ACSF3: variants seen among roughly 807,000 people sequenced by gnomAD.
The protein encoded by ACSF3 is acyl-CoA synthetase family member 3, also known as malonate--CoA ligase ACSF3, mitochondrial.
A neutral mutation model predicts 53.2 loss-of-function variants in ACSF3; 78 were observed. That is an observed-to-expected ratio of 1.47 (90% CI 1.22 to 1.77). The LOEUF (loss-of-function observed/expected upper bound fraction) is 1.77. ACSF3 is among the 40% of genes most tolerant of loss of function. ACSF3 has a pLI of 0.00. For synonymous variants in ACSF3, 414 were observed against 333.1 expected (o/e 1.24, Z -2.65); for missense variants, 937 against 771.1 (o/e 1.22, Z -2.55).
chr16:89,113,703 G>T (rs1429134720), intron 5 of ACSF3: 2 of 173,800 alleles, frequency 1.2e-5, no homozygotes, highest in Non-Finnish European at 2.5e-5. Context: ...CCGTGAGGCT[G>T]CGGGAAATGC....
In ACSF3 at chr16:89,154,311, C is replaced by A; in HGVS notation, c.*104C>A. On this transcript the variant is annotated 3_prime_UTR_variant, in exon 11 of 11. Coordinates refer to ENST00000614302, the MANE Select transcript of ACSF3 (RefSeq NM_001243279.3). The stretch of plus-strand genomic sequence containing the variant: ...AGACCTGGCCTCCCTTAAACCTGAA[C>A]CCCCCAAATCAGGTCACGTAGAATC... 1 of 1,058,052 alleles carries A rather than the reference C, an allele frequency of 9.5e-7. No individual in the cohort carries two copies. The highest frequency in any genetic ancestry group is 1.4e-6 in the Non-Finnish European group (1 of 699,516). The allele number at this position is 1,058,052 out of a possible 1,614,324, so 65.5% of individuals were successfully genotyped here.
At chr16:89,101,725 G>A (rs1267626955) in intron 3 of ACSF3, among the ~76,000 whole-genome samples, 1 of 152,244 alleles carries the variant, frequency 6.6e-6, no homozygotes, top group Non-Finnish European at 1.5e-5. Flanking sequence ...CTCGTTTTTT[G>A]TGTGTCCTGT....
At chr16:89,124,501 C>A (rs1265538460) in intron 7 of ACSF3, among the ~76,000 whole-genome samples, 1 of 146,120 alleles carries the variant, frequency 6.8e-6, no homozygotes, top group African/African-American at 2.5e-5. Context: ...GTGTGTGTTA[C>A]CTGTGCACAT....
chr16:89,098,715 T>C lies in ACSF3; in HGVS notation c.-69T>C. On this transcript the variant is annotated 5_prime_UTR_variant, in exon 2 of 11. Transcript: ENST00000614302. ...CTGAAGCAGCTGTGCCTGCCGCTCT[T>C]GTGAACTGCGAACTTCCCCTTACCT... The C allele has an allele frequency of 2.2e-6, 1 of 454,166 alleles. No individual in the cohort carries two copies. The highest frequency in any genetic ancestry group is 4.4e-6 in the Non-Finnish European group (1 of 226,792). The allele number at this position is 454,166 out of a possible 1,614,324, so 28.1% of individuals were successfully genotyped here. A position where few individuals can be genotyped will look rare whatever the true frequency, so the allele number is the denominator to read the frequency against.
rs115840156 is a variant in ACSF3 at position 89,107,442 on chromosome 16, C to T, written c.823-4650C>T. ...CATCCTGCTACACGCGTGCTCTCCC[C>T]GCCTCGGCACCATCCTGCTACACGC... On this transcript the variant is annotated intron_variant, in intron 4 of 10. Transcript: ENST00000614302. Among the ~76,000 whole-genome samples, 693 of 152,006 alleles carry T rather than the reference C, an allele frequency of 4.6e-3. 4 individuals carry two copies. The highest frequency in any genetic ancestry group is 0.016 in the African/African-American group (647 of 41,492).
intron 10 of ACSF3, chr16:89,152,951 G>A (rs887851295): frequency 7.2e-5 from 11 of 152,120 alleles, no homozygotes; most frequent in African/African-American, 2.4e-4. Context: ...CACCGAGGTC[G>A]AAGCCAGTTG....
chr16:89,141,051 G>A (rs1364610209), intron 8 of ACSF3: 22 of 1,260,698 alleles, frequency 1.7e-5, no homozygotes, highest in Non-Finnish European at 2.2e-5. Flanking sequence ...TAACTTGTTT[G>A]ACTTGCATTT....
At chr16:89,105,090 G>A (rs1453220892) in intron 4 of ACSF3, among the ~76,000 whole-genome samples, 6 of 150,710 alleles carry the variant, frequency 4.0e-5, no homozygotes, top group African/African-American at 9.8e-5. Flanking sequence ...GGGCCCCGTC[G>A]CCAGGGTCAC....
intron 8 of ACSF3, among the ~76,000 whole-genome samples, chr16:89,142,198 G>A (rs1238225810): frequency 6.6e-6 from 1 of 152,172 alleles, no homozygotes; most frequent in African/African-American, 2.4e-5. Context: ...GAGAAGCAGG[G>A]ATTTGGGGCC....
intron 10 of ACSF3, chr16:89,151,316 T>C: frequency 9.6e-6 from 4 of 417,632 alleles, no homozygotes; most frequent in South Asian, 5.1e-5. Context: ...ATCTCAAACA[T>C]TGAAGGCAAA....
At chr16:89,109,657 C>G (rs565090989) in intron 4 of ACSF3, among the ~76,000 whole-genome samples, 1 of 152,292 alleles carries the variant, frequency 6.6e-6, no homozygotes, top group East Asian at 1.9e-4. Context: ...AGTAACCTGC[C>G]TGCCTCAGCC....
At chr16:89,103,408 C>G (rs1227420255) in intron 4 of ACSF3, among the ~76,000 whole-genome samples, 3 of 152,258 alleles carry the variant, frequency 2.0e-5, no homozygotes, top group African/African-American at 7.2e-5. Context: ...CTGCCTCTTG[C>G]AGCTCTGGAG....
chr16:89,104,889 A>G (rs532348911), intron 4 of ACSF3, among the ~76,000 whole-genome samples: 190 of 152,374 alleles, frequency 1.2e-3, no homozygotes, highest in African/African-American at 4.4e-3. Flanking sequence ...TTCTTCACAG[A>G]TGATAACATT....
chr16:89,142,966 G>C (rs1036211346), intron 8 of ACSF3, among the ~76,000 whole-genome samples: 1 of 152,110 alleles, frequency 6.6e-6, no homozygotes, highest in Non-Finnish European at 1.5e-5. Context: ...GTTATTGCGC[G>C]ATCATAATCC....
At chr16:89,146,371 C>T (rs1004905159) in intron 10 of ACSF3, among the ~76,000 whole-genome samples, 30 of 152,152 alleles carry the variant, frequency 2.0e-4, no homozygotes, top group African/African-American at 7.2e-4. Flanking sequence ...AGGCCAGGCC[C>T]ATGCAGGAGG....
intron 4 of ACSF3, among the ~76,000 whole-genome samples, chr16:89,109,136 G>A (rs1976367825): frequency 6.6e-6 from 1 of 150,490 alleles, no homozygotes; most frequent in African/African-American, 2.4e-5. Context: ...GGAGGCTGAG[G>A]TAGGAGAATT....
chr16:89,154,216 A>T lies in ACSF3; in HGVS notation c.*9A>T. The T allele has an allele frequency of 6.2e-7, 1 of 1,611,998 alleles. No homozygotes were observed. Among genetic ancestry groups the T allele is most frequent in the South Asian group, 1.1e-5 (1 of 90,848 alleles). On this transcript the variant is annotated 3_prime_UTR_variant, in exon 11 of 11. Coordinates refer to ENST00000614302, the MANE Select transcript of ACSF3 (RefSeq NM_001243279.3). ...ACTTCCACCCCTCATGACCCGGCAG[A>T]CTGGGACTGCGGGTCTGGTGGGGAG...
chr16:89,142,129 C>G (rs1911885465), intron 8 of ACSF3, among the ~76,000 whole-genome samples: 1 of 152,166 alleles, frequency 6.6e-6, no homozygotes, highest in Non-Finnish European at 1.5e-5. Context: ...GCGTGCAGCA[C>G]AGCAGGCAGC....
At chr16:89,113,920 G>A (rs1337407154) in intron 5 of ACSF3, 7 of 332,544 alleles carry the variant, frequency 2.1e-5, no homozygotes, top group East Asian at 1.6e-4. Flanking sequence ...TGTAGTCCCC[G>A]GATGTGCCTG....
Sources: allele counts gnomAD v4.1 joint callset (sites outside exome capture counted in the v4.1 genomes callset), GRCh38; gene constraint gnomAD v4.1.1; transcripts MANE v1.5; gene names NCBI Gene and HGNC (gene_info 2026-07-23, HGNC 2026-07-21).